Variants in SPATA17 observed in about 807,000 individuals in gnomAD.
The protein encoded by SPATA17 is spermatogenesis-associated protein 17.
Under a neutral mutation model 62.2 loss-of-function variants are expected in SPATA17, and 53 were observed. The observed-to-expected ratio is 0.85, with a 90% confidence interval of 0.68 to 1.07. The LOEUF is 1.07. Among genes scored for constraint, SPATA17 ranks in the 50% least tolerant of loss-of-function variants. The pLI, the probability that SPATA17 is intolerant of heterozygous loss-of-function variation, is 0.00. For missense variants in SPATA17, 466 were observed against 425.5 expected (o/e 1.10, Z -0.84); for synonymous variants, 146 against 146.8 (o/e 0.99, Z 0.04).
intron 9 of SPATA17, among the ~76,000 whole-genome samples, chr1:217,822,059 G>A (rs746368048): frequency 2.2e-4 from 33 of 152,082 alleles, no homozygotes; most frequent in Non-Finnish European, 7.4e-5. Context: ...GCCCCCTGCA[G>A]TGAAGAATTA....
intron 1 of SPATA17, among the ~76,000 whole-genome samples, chr1:217,647,462 G>A (rs1670209589): frequency 6.6e-6 from 1 of 152,192 alleles, no homozygotes; most frequent in Non-Finnish European, 1.5e-5. Context: ...CTGAGGCCAT[G>A]GGGAATACAG....
chr1:217,869,518 T>C lies in SPATA17; in HGVS notation c.*2499T>C, dbSNP rs1315338141. 1 of 152,122 alleles carries C rather than the reference T, an allele frequency of 6.6e-6. No homozygotes were observed. The highest frequency in any genetic ancestry group is 1.5e-5 in the Non-Finnish European group (1 of 68,014). The allele number at this position is 152,122 out of a possible 1,614,324, so 9.4% of individuals were successfully genotyped here. On this transcript the variant is annotated 3_prime_UTR_variant, in exon 11 of 11. Coordinates refer to ENST00000366933, the MANE Select transcript of SPATA17 (RefSeq NM_138796.4). ...GAATGTAGATTTTCCCCATAAGAGATAGCTTCGCAGGGCCATTGCAAAATA... is the reference window on the plus strand; with the variant it reads ...GAATGTAGATTTTCCCCATAAGAGACAGCTTCGCAGGGCCATTGCAAAATA...
At chr1:217,637,429 A>T (rs1161364761) in intron 1 of SPATA17, among the ~76,000 whole-genome samples, 1 of 152,156 alleles carries the variant, frequency 6.6e-6, no homozygotes, top group African/African-American at 2.4e-5. Flanking sequence ...CTGCCTTTCT[A>T]AGATCAGGTT....
At chr1:217,831,277 T>C (rs1301220760) in intron 9 of SPATA17, among the ~76,000 whole-genome samples, 1 of 152,190 alleles carries the variant, frequency 6.6e-6, no homozygotes, top group Non-Finnish European at 1.5e-5. Context: ...ATCATGTAAC[T>C]TGCCTGTAAG....
Position 217,850,637 on chromosome 1 carries a change from G to C in SPATA17, c.1006-12137G>C, listed in dbSNP as rs541743298. The C allele has an allele frequency of 4.4e-6, 7 of 1,585,920 alleles. No homozygotes were observed. In the Admixed American group the frequency reaches 1.2e-4, roughly 27 times the overall value. On this transcript the variant is annotated intron_variant, in intron 9 of 10. Transcript: ENST00000366933. Reference sequence around the variant, plus strand: ...GGGTCTTCACGAAGATCTGCATTTTGACCTGTTAGCAGATACGAGGATGCT... The same window carrying C: ...GGGTCTTCACGAAGATCTGCATTTTCACCTGTTAGCAGATACGAGGATGCT...
intron 5 of SPATA17, among the ~76,000 whole-genome samples, chr1:217,728,974 A>C (rs1672334853): frequency 6.6e-6 from 1 of 152,146 alleles, no homozygotes; most frequent in South Asian, 2.1e-4. Flanking sequence ...CACTCCAATA[A>C]TTCTGTGGCA....
intron 5 of SPATA17, among the ~76,000 whole-genome samples, chr1:217,713,328 G>T (rs930039878): frequency 2.6e-5 from 4 of 151,802 alleles, no homozygotes; most frequent in African/African-American, 4.8e-5. Context: ...TGGTGATCTT[G>T]AGCTGTTTGT....
At chr1:217,776,126 C>T (rs1673583778) in intron 7 of SPATA17, among the ~76,000 whole-genome samples, 1 of 152,042 alleles carries the variant, frequency 6.6e-6, no homozygotes, top group African/African-American at 2.4e-5. Flanking sequence ...CAAAGCAATA[C>T]TCATAGTAGA....
chr1:217,699,214 A>G (rs1165295656), intron 5 of SPATA17, among the ~76,000 whole-genome samples: 1 of 152,208 alleles, frequency 6.6e-6, no homozygotes, highest in Non-Finnish European at 1.5e-5. Context: ...TTTTTGGAAT[A>G]AATACCCAAG....
chr1:217,686,775 A>G (rs1221009605), intron 5 of SPATA17, among the ~76,000 whole-genome samples: 1 of 152,226 alleles, frequency 6.6e-6, no homozygotes, highest in Non-Finnish European at 1.5e-5. Flanking sequence ...TCTGGAATGC[A>G]GTGGCACAAT....
At chr1:217,756,357 A>C (rs1394040458) in intron 6 of SPATA17, among the ~76,000 whole-genome samples, 1 of 151,952 alleles carries the variant, frequency 6.6e-6, no homozygotes, top group East Asian at 1.9e-4. Context: ...ATATACCAAG[A>C]AAAGGCAAAG....
At chr1:217,840,978 G>A (rs968916542) in intron 9 of SPATA17, among the ~76,000 whole-genome samples, 4 of 151,744 alleles carry the variant, frequency 2.6e-5, no homozygotes, top group Non-Finnish European at 5.9e-5. Flanking sequence ...TGTACATATC[G>A]TGCATATATG....
chr1:217,779,190 A>C (rs1319791035), intron 7 of SPATA17, among the ~76,000 whole-genome samples: 1 of 151,416 alleles, frequency 6.6e-6, no homozygotes, highest in African/African-American at 2.4e-5. Flanking sequence ...ATGGAGAGAG[A>C]GAAATATTTA....
Position 217,664,008 on chromosome 1 carries a change from G to T in SPATA17, c.241-5025G>T, listed in dbSNP as rs139201808. Among the ~76,000 whole-genome samples, 288 of 151,980 alleles carry T rather than the reference G, an allele frequency of 1.9e-3. 2 individuals carry two copies. The highest frequency in any genetic ancestry group is 6.5e-3 in the African/African-American group (271 of 41,466). On this transcript the variant is annotated intron_variant, in intron 3 of 10. Coordinates refer to ENST00000366933, the MANE Select transcript of SPATA17 (RefSeq NM_138796.4). ...ATCCATACTAGATTTGTTTAGAGTG[G>T]GTGAAACAGTCTTTTAATATAAATT...
At chr1:217,764,263 C>T (rs1571790085) in intron 6 of SPATA17, among the ~76,000 whole-genome samples, 1 of 152,274 alleles carries the variant, frequency 6.6e-6, no homozygotes, top group East Asian at 1.9e-4. Flanking sequence ...CCTACAACCT[C>T]CGTAAGCCAC....
At chr1:217,729,145 T>C (rs1672339906) in intron 5 of SPATA17, among the ~76,000 whole-genome samples, 1 of 152,234 alleles carries the variant, frequency 6.6e-6, no homozygotes, top group African/African-American at 2.4e-5. Flanking sequence ...CCTACATGAA[T>C]TATTTCTCTA....
At chr1:217,699,645 A>G (rs1241023397) in intron 5 of SPATA17, among the ~76,000 whole-genome samples, 3 of 152,026 alleles carry the variant, frequency 2.0e-5, no homozygotes, top group Non-Finnish European at 4.4e-5. Context: ...TTTTCTTTCA[A>G]TGTGTAGCTT....
chr1:217,661,706 G>C (rs1391117337), intron 3 of SPATA17, among the ~76,000 whole-genome samples: 1 of 151,996 alleles, frequency 6.6e-6, no homozygotes, highest in African/African-American at 2.4e-5. Flanking sequence ...AGAACTGTTG[G>C]GTCACAACTG....
intron 4 of SPATA17, among the ~76,000 whole-genome samples, chr1:217,670,779 C>T (rs1301898888): frequency 2.0e-5 from 3 of 151,856 alleles, no homozygotes; most frequent in Non-Finnish European, 4.4e-5. Flanking sequence ...GGTGAAACCA[C>T]GTGTCTACTA....
Sources: allele counts gnomAD v4.1 joint callset (sites outside exome capture counted in the v4.1 genomes callset), GRCh38; gene constraint gnomAD v4.1.1; transcripts MANE v1.5; gene names NCBI Gene and HGNC (gene_info 2026-07-23, HGNC 2026-07-21).